The following ADAM7 variants were observed in gnomAD, a reference collection of about 807,000 sequenced individuals.
ADAM7 encodes ADAM metallopeptidase domain 7, also known as disintegrin and metalloproteinase domain-containing protein 7.
In ADAM7, 97 loss-of-function variants were observed where a neutral mutation model predicts 102.9. The ratio of observed to expected loss-of-function variants is 0.94; its 90% CI spans 0.80 to 1.12. The LOEUF (loss-of-function observed/expected upper bound fraction) is 1.12, where lower values mean the gene tolerates loss of function less well. Among genes scored for constraint, ADAM7 ranks in the 50% most tolerant of loss-of-function variants. The pLI, the probability that ADAM7 is intolerant of heterozygous loss-of-function variation, is 0.00. For missense variants in ADAM7, 991 were observed against 908.7 expected (o/e 1.09, Z -1.16); for synonymous variants, 334 against 304.4 (o/e 1.10, Z -1.01).
At chr8:24,491,302 T>G (rs2129391990) in intron 13 of ADAM7, among the ~76,000 whole-genome samples, 1 of 152,312 alleles carries the variant, frequency 6.6e-6, no homozygotes, top group Middle Eastern at 3.4e-3. Flanking sequence ...GAAACCCCAA[T>G]GGCTCTGTCC....
At chr8:24,453,471 G>A (rs1212975390) in intron 3 of ADAM7, among the ~76,000 whole-genome samples, 3 of 151,872 alleles carry the variant, frequency 2.0e-5, no homozygotes, top group South Asian at 4.2e-4. Context: ...CATTCTTCAC[G>A]TAGTTCTCGA....
chr8:24,477,779 C>T (rs1819817278), intron 8 of ADAM7, among the ~76,000 whole-genome samples: 1 of 152,016 alleles, frequency 6.6e-6, no homozygotes, highest in African/African-American at 2.4e-5. Context: ...TTTCCCACAG[C>T]TTTGGACCTT....
intron 5 of ADAM7, among the ~76,000 whole-genome samples, chr8:24,466,043 G>A (rs1257562869): frequency 6.6e-6 from 1 of 152,122 alleles, no homozygotes; most frequent in Non-Finnish European, 1.5e-5. Flanking sequence ...ATTTAGTCTG[G>A]GCTCTCATTT....
intron 9 of ADAM7, 72 bp downstream of exon 9, chr8:24,482,383 GA>G (rs11348969): frequency 0.69 from 981,184 of 1,419,678 alleles, 345,911 homozygotes; most frequent in African/African-American, 0.79. Flanking sequence ...AAAATTAACA[GA>G]AAAAAAACAT....
chr8:24,509,405 T>A lies in ADAM7; in HGVS notation c.*859T>A, dbSNP rs1360937624. The A allele has an allele frequency of 1.0e-6, 1 of 985,358 alleles. No individual in the cohort carries two copies. Among genetic ancestry groups the A allele is most frequent in the East Asian group, 1.1e-4 (1 of 8,830 alleles). The allele number at this position is 985,358 out of a possible 1,614,324, so 61.0% of individuals were successfully genotyped here. On this transcript the variant is annotated 3_prime_UTR_variant, in exon 22 of 22. Coordinates refer to ENST00000175238, the MANE Select transcript of ADAM7 (RefSeq NM_003817.4). ...TGATTTCAGCTGCTTCTTACACAGA[T>A]GCCTCTCAAGGTGTTCTTTTGTGTC... is the stretch of plus-strand genomic sequence containing the variant.
At chr8:24,490,533 T>C (rs998039653) in intron 12 of ADAM7, 2 of 347,172 alleles carry the variant, frequency 5.8e-6, no homozygotes, top group Non-Finnish European at 1.1e-5. Flanking sequence ...ATAATTAGGA[T>C]AACTGAAGAT....
At chr8:24,467,992 G>A (rs754243012) in intron 6 of ADAM7, among the ~76,000 whole-genome samples, 58 of 152,124 alleles carry the variant, frequency 3.8e-4, no homozygotes, top group Non-Finnish European at 1.8e-4. Flanking sequence ...TTGAACCCAG[G>A]AGGTGGAAGG....
chr8:24,464,950 C>A (rs2129381576), intron 4 of ADAM7, among the ~76,000 whole-genome samples: 1 of 151,024 alleles, frequency 6.6e-6, no homozygotes, highest in Non-Finnish European at 1.5e-5. Context: ...CCGTGCCCAG[C>A]TAATTTTTGT....
At chr8:24,487,500 G>A (rs1440301033) in intron 11 of ADAM7, among the ~76,000 whole-genome samples, 183 bp downstream of exon 11, 1 of 151,848 alleles carries the variant, frequency 6.6e-6, no homozygotes, top group African/African-American at 2.4e-5. Flanking sequence ...TACAAAATTA[G>A]CCAGGCTGGT....
Position 24,451,900 on chromosome 8 carries a change from A to C in ADAM7, c.233+4638A>C, listed in dbSNP as rs373082438. On this transcript the variant is annotated intron_variant, in intron 3 of 21. Transcript: ENST00000175238. ...ACATCTTTATTTCTGCCTTCATTTC[A>C]TTATGTACCCAGTAGTCATTCAGGA... Among the ~76,000 whole-genome samples the C allele has an allele frequency of 2.1e-3, 305 of 148,000 alleles. 2 individuals are homozygous for C. The highest frequency in any genetic ancestry group is 6.8e-3 in the African/African-American group (278 of 40,612).
chr8:24,499,140 C>T (rs1205883992), intron 16 of ADAM7, 96 bp from the exon 17 acceptor site: 10 of 863,056 alleles, frequency 1.2e-5, no homozygotes, highest in Non-Finnish European at 1.7e-5. Flanking sequence ...ATGTAAATTA[C>T]ATGCAAAATT....
chr8:24,499,399 T>A, intron 17 of ADAM7, 83 bp downstream of exon 17: 1 of 937,078 alleles, frequency 1.1e-6, no homozygotes, highest in Non-Finnish European at 1.5e-6. Flanking sequence ...CATGTATATG[T>A]ATGTATATAT....
chr8:24,498,403 T>C (rs1437572671), intron 16 of ADAM7, among the ~76,000 whole-genome samples: 13 of 151,558 alleles, frequency 8.6e-5, no homozygotes, highest in Admixed American at 8.5e-4. Context: ...AATATATTAA[T>C]GTAAATCAAA....
intron 9 of ADAM7, among the ~76,000 whole-genome samples, chr8:24,483,065 T>C (rs1354922377): frequency 1.3e-5 from 2 of 152,140 alleles, no homozygotes; most frequent in African/African-American, 4.8e-5. Context: ...TACCATCTTC[T>C]CTACTATACA....
Position 24,482,246 on chromosome 8 carries a change from T to C in ADAM7, c.810T>C (p.Arg270=), listed in dbSNP as rs1213440575. Residue 270 remains arginine (R), a synonymous_variant, in exon 9 of 22, where the codon CGT becomes CGC. Coordinates refer to ENST00000175238, the MANE Select transcript of ADAM7 (RefSeq NM_003817.4). ...LYSNIETTLL[R]FSFWQEKILK... is the part of the protein sequence containing the mutation. ...CAAATATAGAAACTACCTTATTGCG[T>C]TTTTCATTTTGGCAAGAAAAGATCC... The C allele has an allele frequency of 1.2e-6, 2 of 1,611,250 alleles. No individual in the cohort carries two copies. The highest frequency in any genetic ancestry group is 1.7e-6 in the Non-Finnish European group (2 of 1,179,184).
intron 4 of ADAM7, among the ~76,000 whole-genome samples, chr8:24,464,755 C>T (rs775657016): frequency 1.3e-5 from 2 of 149,584 alleles, no homozygotes; most frequent in South Asian, 4.4e-4. Context: ...CGCATGCCAC[C>T]GTGCCCAGCT....
intron 11 of ADAM7, among the ~76,000 whole-genome samples, chr8:24,488,273 A>AATAAATGAAT (rs1563390806): frequency 6.6e-6 from 1 of 152,176 alleles, no homozygotes; most frequent in East Asian, 1.9e-4. Context: ...ACAGTTACAG[A>AATAAATGAAT]ATAAATGAAT....
In ADAM7 at chr8:24,442,523, C is replaced by T; in HGVS notation, c.103C>T (p.Leu35Phe). The change falls in exon 2 of 22, where the codon CTT becomes TTT. Residue 35 changes from leucine (L) to phenylalanine (F), a missense_variant. Coordinates refer to ENST00000175238, the MANE Select transcript of ADAM7 (RefSeq NM_003817.4). ...TCAACAACTGGTTCGTCCTAAAAAG[C>T]TTCCTCTGATACAGAAGCGAGATAC... ...EGQQLVRPKKLPLIQKRDTGH... is the reference protein window; with the variant it reads ...EGQQLVRPKKFPLIQKRDTGH... 6.2e-7 allele frequency: 1 copy of T among 1,614,112 alleles called. No individual in the cohort carries two copies. The highest frequency in any genetic ancestry group is 2.2e-5 in the East Asian group (1 of 44,872).
chr8:24,485,361 G>T lies in ADAM7; in HGVS notation c.960G>T (p.Lys320Asn), dbSNP rs1439555096. Residue 320 changes from lysine (K) to asparagine (N), a missense_variant and splice_region_variant, in exon 10 of 22, where the codon AAG becomes AAT. Transcript: ENST00000175238. Reference sequence around the variant, plus strand: ...CCTATTATTCCACCAGTATCATTAAGGTGGGCTGTGTTTTATTTATATTAC... The same window carrying T: ...CCTATTATTCCACCAGTATCATTAATGTGGGCTGTGTTTTATTTATATTAC... ...CLPYYSTSII[K>N]DLLPDTNIIA... 6.2e-7 allele frequency: 1 copy of T among 1,611,884 alleles called. No individual in the cohort carries two copies. The highest frequency in any genetic ancestry group is 8.5e-7 in the Non-Finnish European group (1 of 1,178,930).
Sources: gnomAD v4.1 joint callset for allele counts (sites outside exome capture counted in the v4.1 genomes callset) on GRCh38, gnomAD v4.1.1 for gene constraint, MANE v1.5 for transcripts, NCBI Gene and HGNC (gene_info 2026-07-23, HGNC 2026-07-21) for gene names.